The following PDE11A variants were observed in gnomAD, a reference collection of about 807,000 sequenced individuals.
PDE11A encodes the protein phosphodiesterase 11A.
A neutral mutation model predicts 100.5 loss-of-function variants in PDE11A; 100 were observed. That is an observed-to-expected ratio of 1.00 (90% CI 0.85 to 1.18). PDE11A has a LOEUF of 1.18. Ranked by LOEUF, PDE11A falls within the 50% of genes most tolerant of loss-of-function variation. The pLI is 0.00. For synonymous variants in PDE11A, 381 were observed against 420.8 expected, an observed-to-expected ratio of 0.91 and a Z score of 1.16; for missense variants, 1,141 against 1,152.6, an observed-to-expected ratio of 0.99 and a Z score of 0.15.
In PDE11A at chr2:177,881,333, A is replaced by T. The variant is rs960862925; in HGVS notation, c.1303-5410T>A. Among the ~76,000 whole-genome samples, 14 of 138,024 alleles carry T rather than the reference A, an allele frequency of 1.0e-4. No homozygotes were observed. In the Middle Eastern group the frequency reaches 0.018, roughly 181 times the overall value. The allele number at this position is 138,024 out of a possible 152,430, so 90.5% of individuals were successfully genotyped here. On this transcript the variant is annotated intron_variant, in intron 4 of 19. Transcript: ENST00000286063. ...ATATCTTTATCTCTATCTATCTATC[A>T]TCTATCTGTCTATCTATCTATCTAT... is the stretch of plus-strand genomic sequence containing the variant.
At chr2:178,035,442 G>A (rs971888149) in intron 1 of PDE11A, among the ~76,000 whole-genome samples, 1 of 152,204 alleles carries the variant, frequency 6.6e-6, no homozygotes, top group African/African-American at 2.4e-5. Flanking sequence ...AATTCTACCA[G>A]AGGTACAAAG....
At chr2:178,060,275 G>A (rs1212142555) in intron 1 of PDE11A, among the ~76,000 whole-genome samples, 2 of 152,080 alleles carry the variant, frequency 1.3e-5, no homozygotes, top group Non-Finnish European at 2.9e-5. Context: ...AAGGGTATCT[G>A]AGAAAGCAAA....
Position 177,876,314 on chromosome 2 carries a change from C to CT in PDE11A, c.1303-392dup, listed in dbSNP as rs757159711. Among the ~76,000 whole-genome samples, 41 of 123,418 alleles carry CT rather than the reference C, an allele frequency of 3.3e-4. 5 individuals carry two copies. The highest frequency in any genetic ancestry group is 4.9e-4 in the Non-Finnish European group (28 of 57,594). 81.0% of individuals were successfully genotyped at this position (123,418 alleles called of 152,430 possible). A position where few individuals can be genotyped will look rare whatever the true frequency, so the allele number is the denominator to read the frequency against. On this transcript the variant is annotated intron_variant, in intron 4 of 19. Coordinates refer to ENST00000286063, the MANE Select transcript of PDE11A (RefSeq NM_016953.4). ...GAACACCCCTCAAAGAAGATGCCCT[C>CT]TGTCAACCCCAGGCTCCTGAAGTTA... is the stretch of plus-strand genomic sequence containing the variant.
intron 1 of PDE11A, among the ~76,000 whole-genome samples, chr2:178,031,975 C>G (rs2086553912): frequency 6.6e-6 from 1 of 151,914 alleles, no homozygotes; most frequent in South Asian, 2.1e-4. Flanking sequence ...GTAATACAGG[C>G]ATAGATTAAT....
At chr2:178,040,420 C>T (rs899091780) in intron 1 of PDE11A, among the ~76,000 whole-genome samples, 2 of 152,008 alleles carry the variant, frequency 1.3e-5, no homozygotes, top group Non-Finnish European at 2.9e-5. Flanking sequence ...TTATGCTGTA[C>T]GTATATATTT....
At position 178,071,631 on chromosome 2, in the gene PDE11A, G is replaced by T. The variant is rs1203865538; in HGVS notation, c.807C>A (p.Cys269Ter). ...CCTCATTTGAGTTCTCTGTGCTGCT[G>T]CAAGGCAGCAGAGGTGTTCCTGCAT... Reference protein sequence around the residue: ...DVHAGTPLLPCSSTENSNEVQ... With the variant: ...DVHAGTPLLP Residue 269 changes from cysteine (C) to a stop codon, truncating the protein, a stop_gained, in exon 1 of 20, where the codon TGC (cysteine) becomes TGA (stop). Transcript: ENST00000286063. LOFTEE classifies it high-confidence loss of function. 6.2e-7 allele frequency: 1 copy of T among 1,612,326 alleles called. No individual in the cohort carries two copies. The highest frequency in any genetic ancestry group is 2.2e-5 in the East Asian group (1 of 44,884).
Position 177,820,255 on chromosome 2 carries a change from C to A in PDE11A, c.1541G>T (p.Cys514Phe), listed in dbSNP as rs767596657. 2.5e-6 allele frequency: 4 copies of A among 1,594,946 alleles called. No individual in the cohort carries two copies. The highest frequency in any genetic ancestry group is 3.4e-6 in the Non-Finnish European group (4 of 1,163,174). ...ISGFHIRSVL[C>F]VPIWNSNHQI... ...GTGGTTGCTATTCCAAATAGGGACA[C>A]AAAGAACAGATCTTATGTGAAAACC... Residue 514 changes from cysteine (C) to phenylalanine (F), a missense_variant, in exon 7 of 20, where the codon TGT becomes TTT. By Grantham distance (205) the Cys-to-Phe change is radical. Transcript: ENST00000286063.
chr2:178,070,051 A>G (rs1210453515), intron 1 of PDE11A, among the ~76,000 whole-genome samples: 2 of 152,228 alleles, frequency 1.3e-5, no homozygotes, highest in Non-Finnish European at 2.9e-5. Context: ...TTCTCTAGAA[A>G]TAATAATTTG....
At chr2:177,799,343 G>T (rs113872384) in intron 9 of PDE11A, among the ~76,000 whole-genome samples, 3 of 152,096 alleles carry the variant, frequency 2.0e-5, no homozygotes, top group Non-Finnish European at 4.4e-5. Context: ...TAGCAATATG[G>T]TTCATTAATT....
At chr2:177,640,104 G>C (rs2080117378) in intron 19 of PDE11A, among the ~76,000 whole-genome samples, 1 of 152,130 alleles carries the variant, frequency 6.6e-6, no homozygotes, top group Admixed American at 6.5e-5. Context: ...AGTATTTTTT[G>C]CCTTCTCTCA....
chr2:178,050,107 G>A (rs374103863), intron 1 of PDE11A, among the ~76,000 whole-genome samples: 1 of 152,150 alleles, frequency 6.6e-6, no homozygotes, highest in Non-Finnish European at 1.5e-5. Flanking sequence ...CCCAGTAGGG[G>A]CAGACTGACA....
intron 18 of PDE11A, among the ~76,000 whole-genome samples, 199 bp from the exon 19 acceptor site, chr2:177,664,148 G>A (rs577664918): frequency 1.3e-5 from 2 of 152,102 alleles, no homozygotes; most frequent in East Asian, 3.9e-4. Flanking sequence ...TATGAGATTT[G>A]TAAGCAAATT....
intron 2 of PDE11A, among the ~76,000 whole-genome samples, chr2:177,963,590 T>C (rs1487037699): frequency 6.6e-6 from 1 of 152,204 alleles, no homozygotes; most frequent in African/African-American, 2.4e-5. Flanking sequence ...TCTCCCCTGG[T>C]CCACCTGCAA....
chr2:177,817,856 AC>A lies in PDE11A; in HGVS notation c.1644+1del. 1.4e-6 allele frequency: 2 copies of A among 1,428,732 alleles called. No individual in the cohort carries two copies. The highest frequency in any genetic ancestry group is 2.0e-6 in the Non-Finnish European group (2 of 1,013,284). The allele number at this position is 1,428,732 out of a possible 1,614,324, so 88.5% of individuals were successfully genotyped here. On this transcript the variant is annotated splice_donor_variant, in intron 8 of 19. Coordinates refer to ENST00000286063, the MANE Select transcript of PDE11A (RefSeq NM_016953.4). LOFTEE classifies it high-confidence loss of function. ...ACTTGGTTTATAAATTTATTTTCTTACCTCAAAAAGTCGTTGATCTGCATCA... is the reference window on the plus strand; with the variant it reads ...ACTTGGTTTATAAATTTATTTTCTTACTCAAAAAGTCGTTGATCTGCATCA...
intron 10 of PDE11A, among the ~76,000 whole-genome samples, chr2:177,757,309 C>G (rs1034561819): frequency 4.6e-5 from 7 of 152,270 alleles, no homozygotes; most frequent in African/African-American, 1.7e-4. Flanking sequence ...CAGCATGAAC[C>G]AAGGTCTCCA....
At chr2:178,014,983 A>G (rs1337660543) in intron 1 of PDE11A, among the ~76,000 whole-genome samples, 7 of 152,218 alleles carry the variant, frequency 4.6e-5, no homozygotes, top group Admixed American at 3.9e-4. Flanking sequence ...GCTAAAATAT[A>G]TAAAATAAAT....
intron 2 of PDE11A, among the ~76,000 whole-genome samples, chr2:178,102,187 C>T (rs2087567405): frequency 1.3e-5 from 2 of 151,792 alleles, no homozygotes. Flanking sequence ...AGTGCAGTGG[C>T]ATGATCTTGG....
At chr2:178,035,034 C>A (rs987621957) in intron 1 of PDE11A, among the ~76,000 whole-genome samples, 25 of 151,734 alleles carry the variant, frequency 1.6e-4, no homozygotes, top group Admixed American at 1.4e-3. Flanking sequence ...CAGAGCAGAA[C>A]TGAAGGGGAT....
At chr2:178,092,554 C>A (rs1224015030) in intron 2 of PDE11A, 1 of 151,508 alleles carries the variant, frequency 6.6e-6, no homozygotes, top group Non-Finnish European at 1.5e-5. Context: ...TCTCACTCTT[C>A]TTTTTAAGAC....
Sources: allele counts gnomAD v4.1 joint callset (sites outside exome capture counted in the v4.1 genomes callset), GRCh38; gene constraint gnomAD v4.1.1; transcripts MANE v1.5; gene names NCBI Gene and HGNC (gene_info 2026-07-23, HGNC 2026-07-21).